LRRC4C: variants seen among roughly 807,000 people sequenced by gnomAD.
LRRC4C encodes leucine rich repeat containing 4C.
LRRC4C carries 5 observed loss-of-function variants against 33.6 expected under a neutral mutation model. That is an observed-to-expected ratio of 0.15 (90% confidence interval 0.08 to 0.31). The LOEUF is 0.31. LRRC4C is among the 10% of genes least tolerant of loss of function. The pLI is 1.00. For synonymous variants in LRRC4C, 329 were observed against 302.0 expected (o/e 1.09, Z -0.93); for missense variants, 560 against 796.7 (o/e 0.70, Z 3.58).
At chr11:41,181,658 G>A (rs1945456332) in intron 1 of LRRC4C, among the ~76,000 whole-genome samples, 1 of 152,168 alleles carries the variant, frequency 6.6e-6, no homozygotes, top group Non-Finnish European at 1.5e-5. Context: ...GAACAAAAGA[G>A]ACTCAATTCT....
At chr11:41,013,952 G>A (rs887517176) in intron 1 of LRRC4C, among the ~76,000 whole-genome samples, 1 of 152,096 alleles carries the variant, frequency 6.6e-6, no homozygotes, top group African/African-American at 2.4e-5. Context: ...TCACTATTGT[G>A]AGGACAGCAC....
intron 1 of LRRC4C, among the ~76,000 whole-genome samples, chr11:41,084,027 T>C (rs1243934823): frequency 1.3e-5 from 2 of 152,202 alleles, no homozygotes; most frequent in Non-Finnish European, 2.9e-5. Context: ...ACATATTAAT[T>C]GATAGGTAAA....
chr11:41,213,030 A>G (rs548238039), intron 1 of LRRC4C, among the ~76,000 whole-genome samples: 3 of 152,330 alleles, frequency 2.0e-5, no homozygotes, highest in Admixed American at 2.0e-4. Flanking sequence ...AAGGTAATAA[A>G]GTTTGCCTCC....
intron 2 of LRRC4C, among the ~76,000 whole-genome samples, chr11:40,915,911 G>T (rs1379057469): frequency 3.3e-5 from 5 of 152,160 alleles, no homozygotes; most frequent in African/African-American, 1.2e-4. Context: ...CTTCTCAAAA[G>T]AAGACATTTA....
At chr11:41,438,038 CAAATAAATAAATAAAT>C (rs569593314) in intron 1 of LRRC4C, among the ~76,000 whole-genome samples, 34 of 65,642 alleles carry the variant, frequency 5.2e-4, no homozygotes, top group Admixed American at 3.9e-3. Flanking sequence ...AACTCCATCT[CAAATAAATAAATAAAT>C]AAATAAATAA....
chr11:41,026,654 T>G (rs904485360), intron 1 of LRRC4C, among the ~76,000 whole-genome samples: 1 of 151,220 alleles, frequency 6.6e-6, no homozygotes, highest in Non-Finnish European at 1.5e-5. Context: ...TTCTTTATTT[T>G]AAGAAATTGC....
At chr11:41,248,607 G>T (rs1435718550) in intron 1 of LRRC4C, among the ~76,000 whole-genome samples, 1 of 151,860 alleles carries the variant, frequency 6.6e-6, no homozygotes, top group African/African-American at 2.4e-5. Context: ...AATATCACAG[G>T]AACCACCCAC....
At chr11:41,177,255 C>T (rs973830996) in intron 1 of LRRC4C, among the ~76,000 whole-genome samples, 3 of 152,094 alleles carry the variant, frequency 2.0e-5, no homozygotes, top group Non-Finnish European at 2.9e-5. Flanking sequence ...TGTTCATCAA[C>T]GGGGAATAAC....
At chr11:41,337,131 A>C (rs1951482055) in intron 1 of LRRC4C, among the ~76,000 whole-genome samples, 1 of 152,038 alleles carries the variant, frequency 6.6e-6, no homozygotes, top group South Asian at 2.1e-4. Flanking sequence ...TGAAGCCTCC[A>C]ACTCCTGGGC....
At chr11:40,967,295 A>G (rs1851432358) in intron 1 of LRRC4C, among the ~76,000 whole-genome samples, 1 of 152,010 alleles carries the variant, frequency 6.6e-6, no homozygotes, top group African/African-American at 2.4e-5. Flanking sequence ...AACTAGGAGC[A>G]TGAATAAATA....
At chr11:40,281,126 T>C (rs1590898445) in intron 4 of LRRC4C, among the ~76,000 whole-genome samples, 1 of 152,038 alleles carries the variant, frequency 6.6e-6, no homozygotes, top group East Asian at 1.9e-4. Flanking sequence ...ACATGTAACT[T>C]CTGCTGGAAA....
chr11:40,225,948 CTTTAGA>C (rs1864764561), intron 5 of LRRC4C, among the ~76,000 whole-genome samples: 1 of 152,136 alleles, frequency 6.6e-6, no homozygotes, highest in Non-Finnish European at 1.5e-5. Flanking sequence ...TGACATCTTT[CTTTAGA>C]TTTAGATTCA....
At chr11:40,631,689 T>TA (rs551739999) in intron 3 of LRRC4C, among the ~76,000 whole-genome samples, 22 of 151,500 alleles carry the variant, frequency 1.5e-4, no homozygotes, top group Non-Finnish European at 2.5e-4. Context: ...AAAGTAGAAT[T>TA]AAAAAAAAAT....
Position 40,546,199 on chromosome 11 carries a change from C to T in LRRC4C, c.-270+101943G>A, listed in dbSNP as rs74499587. Among the ~76,000 whole-genome samples, 23 of 150,720 alleles carry T rather than the reference C, an allele frequency of 1.5e-4. No homozygotes were observed. In the East Asian group the frequency reaches 2.5e-3, roughly 17 times the overall value. ...ATGCAATATTCCAGTTAACAATAAA[C>T]AAAATGCTTTTGGCATACTCCCTGT... On this transcript the variant is annotated intron_variant, in intron 3 of 6. Coordinates refer to ENST00000528697, the MANE Select transcript of LRRC4C (RefSeq NM_001258419.2).
chr11:40,416,258 G>T (rs1215662447), intron 3 of LRRC4C, among the ~76,000 whole-genome samples: 3 of 152,118 alleles, frequency 2.0e-5, no homozygotes, highest in African/African-American at 7.2e-5. Flanking sequence ...GAATGTATAA[G>T]AATGATTTAA....
At chr11:40,870,719 T>C (rs61886584) in intron 2 of LRRC4C, among the ~76,000 whole-genome samples, 5,457 of 152,194 alleles carry the variant, frequency 0.036, 113 homozygotes, top group South Asian at 0.062. Context: ...CTGAGGAGGA[T>C]GTATGTTGCC....
chr11:41,356,017 T>C (rs964966131), intron 1 of LRRC4C, among the ~76,000 whole-genome samples: 1 of 152,140 alleles, frequency 6.6e-6, no homozygotes, highest in Non-Finnish European at 1.5e-5. Flanking sequence ...TTAGTGGCTA[T>C]GAGTTTATAG....
At chr11:41,367,816 G>T (rs1250680377) in intron 1 of LRRC4C, among the ~76,000 whole-genome samples, 1 of 152,106 alleles carries the variant, frequency 6.6e-6, no homozygotes, top group East Asian at 1.9e-4. Context: ...CCTGCCATAT[G>T]GATTCCCAGT....
At chr11:40,704,401 G>C (rs114155289) in intron 2 of LRRC4C, among the ~76,000 whole-genome samples, 1 of 152,092 alleles carries the variant, frequency 6.6e-6, no homozygotes, top group Non-Finnish European at 1.5e-5. Context: ...TCTTCCTCCA[G>C]CTCACAACCT....
Sources: gnomAD v4.1 joint callset for allele counts (sites outside exome capture counted in the v4.1 genomes callset) on GRCh38, gnomAD v4.1.1 for gene constraint, MANE v1.5 for transcripts, NCBI Gene and HGNC (gene_info 2026-07-23, HGNC 2026-07-21) for gene names.